Variants in HYI observed in about 807,000 individuals in gnomAD.
HYI encodes hydroxypyruvate isomerase (putative).
In HYI, 47 loss-of-function variants were observed where a neutral mutation model predicts 39.7. That is an observed-to-expected ratio of 1.18 (90% confidence interval 0.94 to 1.51). The LOEUF is 1.51. Among genes scored for constraint, HYI ranks in the 40% most tolerant of loss-of-function variants. HYI has a pLI of 0.00. For missense variants in HYI, 465 were observed against 370.3 expected, an observed-to-expected ratio of 1.26 and a Z score of -2.10; for synonymous variants, 186 against 158.8, an observed-to-expected ratio of 1.17 and a Z score of -1.29.
At position 43,451,195 on chromosome 1, in the gene HYI, A is replaced by C; in HGVS notation, c.*43T>G. 2 of 1,551,394 alleles carry C rather than the reference A, an allele frequency of 1.3e-6. No individual in the cohort carries two copies. The highest frequency in any genetic ancestry group is 1.8e-6 in the Non-Finnish European group (2 of 1,122,988). ...TCTTTAATGCAGAGGAGGAGATGGGATGTCACTCGCTGTCTGGAGGCACGT... is the reference window on the plus strand; with the variant it reads ...TCTTTAATGCAGAGGAGGAGATGGGCTGTCACTCGCTGTCTGGAGGCACGT... On this transcript the variant is annotated 3_prime_UTR_variant, in exon 8 of 8. Transcript: ENST00000372430.
chr1:43,450,896 T>C (rs1439428293), downstream of HYI: 1 of 737,372 alleles, frequency 1.4e-6, no homozygotes, highest in South Asian at 1.4e-5. This position sits in a 1 kb window ranked among gnomAD's most constrained non-coding sequence, Gnocchi z 4.3. Flanking sequence ...CACTTCCCAC[T>C]TGGACATCAC....
chr1:43,453,675 G>T lies in HYI; in HGVS notation c.119C>A (p.Pro40Gln), dbSNP rs1656714055. ...CAGCGCCTCAGGCGTCTCCGCGTAC[G>T]GCCAGGCCACCTCGACGGCCTCGAA... is the stretch of plus-strand genomic sequence containing the variant. Reference protein sequence around the residue: ...SGFEAVEVAWPYAETPEALAR... With the variant: ...SGFEAVEVAWQYAETPEALAR... Residue 40 changes from proline to glutamine, a missense_variant, in exon 1 of 8, where the codon CCG becomes CAG. Transcript: ENST00000372430. The T allele has an allele frequency of 6.8e-7, 1 of 1,470,758 alleles. No individual in the cohort carries two copies. 91.1% of individuals were successfully genotyped at this position (1,470,758 alleles called of 1,614,324 possible). A position where few individuals can be genotyped will look rare whatever the true frequency, so the allele number is the denominator to read the frequency against.
In HYI at chr1:43,451,260, C is replaced by T; in HGVS notation, c.812G>A (p.Gly271Asp). The T allele has an allele frequency of 1.9e-6, 3 of 1,614,032 alleles. No individual in the cohort carries two copies. The highest frequency in any genetic ancestry group is 2.5e-6 in the Non-Finnish European group (3 of 1,180,022). Reference protein sequence around the residue: ...SWLRSYWDRRGHPEAGQ With the variant: ...SWLRSYWDRRDHPEAGQ ...CCCTCACTGGCCAGCCTCTGGGTGG[C>T]CCCGCCTATCCCAGTATGAACGTAG... is the stretch of plus-strand genomic sequence containing the variant. Residue 271 changes from glycine to aspartate, a missense_variant, in exon 8 of 8, where the codon GGC (glycine) becomes GAC (aspartate). Transcript: ENST00000372430.
intron 1 of HYI, 28 bp from the exon 2 acceptor site, chr1:43,453,525 G>C (rs540754729): frequency 1.9e-5 from 29 of 1,533,232 alleles, no homozygotes; most frequent in Admixed American, 1.2e-4. Flanking sequence ...CTCAGCCCCC[G>C]GCTCGGACAC....
rs1478128058 is a variant in HYI, at chr1:43,453,636, C to G, written c.158G>C (p.Arg53Pro). The change falls in exon 1 of 8, where the codon CGA becomes CCA. Residue 53 changes from arginine to proline, a missense_variant. Physicochemically the swap from Arg to Pro is moderately radical, Grantham distance 103. Coordinates refer to ENST00000372430, the MANE Select transcript of HYI (RefSeq NM_001190880.3). ...CAGTACAAGCCGCAGCCCCGCTTCT[C>G]GCGCGGCGCGCGCCAGCGCCTCAGG... ...ETPEALARAAREAGLRLVLIN... is the reference protein window; with the variant it reads ...ETPEALARAAPEAGLRLVLIN... The G allele has an allele frequency of 8.0e-6, 12 of 1,491,626 alleles. No homozygotes were observed. The South Asian group carries it at 1.1e-4, about 14-fold the overall frequency. The allele number at this position is 1,491,626 out of a possible 1,614,324, so 92.4% of individuals were successfully genotyped here.
At chr1:43,453,240 G>T in intron 2 of HYI, 146 bp downstream of exon 2, 1 of 647,000 alleles carries the variant, frequency 1.5e-6, no homozygotes, top group Non-Finnish European at 2.7e-6. Flanking sequence ...AATACAAAAG[G>T]CAATTTACAA....
downstream of HYI, chr1:43,450,661 C>T (rs1479545397): frequency 2.1e-6 from 2 of 952,718 alleles, no homozygotes; most frequent in Non-Finnish European, 3.1e-6. The surrounding 1 kb of genome is among the most constrained non-coding windows in gnomAD (Gnocchi z 4.3). Flanking sequence ...GCAGGAACCG[C>T]CCTCCCCAAA....
Position 43,451,401 on chromosome 1 carries a change from A to G in HYI, c.760+9T>C, listed in dbSNP as rs796739193. 2 of 1,612,346 alleles carry G rather than the reference A, an allele frequency of 1.2e-6. No homozygotes were observed. Among genetic ancestry groups the G allele is most frequent in the African/African-American group, 1.3e-5 (1 of 75,054 alleles). Reference sequence around the variant, plus strand: ...CTCCAGAGCTCCCTTCCCCAGGGCCACGCCTCACCTCGAGGCTGATACTCA... The same window carrying G: ...CTCCAGAGCTCCCTTCCCCAGGGCCGCGCCTCACCTCGAGGCTGATACTCA... On this transcript the variant is annotated intron_variant, in intron 7 of 7. Coordinates refer to ENST00000372430, the MANE Select transcript of HYI (RefSeq NM_001190880.3).
intron 2 of HYI, 140 bp from the exon 3 acceptor site, chr1:43,452,459 C>G: frequency 1.4e-6 from 1 of 733,056 alleles, no homozygotes; most frequent in South Asian, 1.5e-5. Flanking sequence ...CCAGGTATCC[C>G]AGCACTTTCA....
chr1:43,451,248 G>T lies in HYI; in HGVS notation c.824C>A (p.Ala275Asp). ...SYWDRRGHPE[A>D]GQ is the part of the protein sequence containing the mutation. ...GTGGTGTGCGGGCCCTCACTGGCCA[G>T]CCTCTGGGTGGCCCCGCCTATCCCA... The change falls in exon 8 of 8, where the codon GCT becomes GAT. Residue 275 changes from alanine to aspartate, a missense_variant. Ala to Asp is a moderately radical substitution (Grantham distance 126). Coordinates refer to ENST00000372430, the MANE Select transcript of HYI (RefSeq NM_001190880.3). 1.2e-6 allele frequency: 2 copies of T among 1,613,966 alleles called. No individual in the cohort carries two copies. The highest frequency in any genetic ancestry group is 2.7e-5 in the African/African-American group (2 of 75,070).
At chr1:43,451,621 T>TG in intron 6 of HYI, 27 bp downstream of exon 6, 1 of 1,613,482 alleles carries the variant, frequency 6.2e-7, no homozygotes, top group Non-Finnish European at 8.5e-7. Context: ...ATTGAAAGGG[T>TG]GGGAGGGCAA....
chr1:43,450,758 G>GC (rs1656296266), downstream of HYI: 10 of 697,452 alleles, frequency 1.4e-5, no homozygotes, highest in East Asian at 2.4e-4. The surrounding 1 kb of genome is among the most constrained non-coding windows in gnomAD (Gnocchi z 4.3). Context: ...ACTCCTTTCG[G>GC]CCCCCCTGGT....
chr1:43,451,234 G>T lies in HYI; in HGVS notation c.*4C>A. 4 of 1,613,782 alleles carry T rather than the reference G, an allele frequency of 2.5e-6. No individual in the cohort carries two copies. The highest frequency in any genetic ancestry group is 3.4e-6 in the Non-Finnish European group (4 of 1,179,868). On this transcript the variant is annotated 3_prime_UTR_variant, in exon 8 of 8. Transcript: ENST00000372430. ...CTGGAGGCACGTGGGTGGTGTGCGG[G>T]CCCTCACTGGCCAGCCTCTGGGTGG...
intron 2 of HYI, 143 bp downstream of exon 2, chr1:43,453,243 A>G: frequency 4.6e-6 from 3 of 652,316 alleles, no homozygotes; most frequent in South Asian, 1.9e-5. Context: ...ACAAAAGGCA[A>G]TTTACAAAGG....
At position 43,453,861 on chromosome 1, in the gene HYI, C is replaced by CGGGCGGG. The variant is rs1553158735; in HGVS notation, c.-75_-69dup. 1.3e-6 allele frequency: 1 copy of CGGGCGGG among 757,902 alleles called. No homozygotes were observed. Among genetic ancestry groups the CGGGCGGG allele is most frequent in the East Asian group, 4.3e-5 (1 of 23,494 alleles). The allele number at this position is 757,902 out of a possible 1,614,324, so 46.9% of individuals were successfully genotyped here. A position where few individuals can be genotyped will look rare whatever the true frequency, so the allele number is the denominator to read the frequency against. On this transcript the variant is annotated 5_prime_UTR_variant, in exon 1 of 8. Transcript: ENST00000372430. The stretch of plus-strand genomic sequence containing the variant: ...GCGGCGGGCGGCGGGCGGCGGGCGG[C>CGGGCGGG]GGGCGGGGGCGGGGCTCTCCTTGCT...
rs751027868 is a variant in HYI at position 43,453,784 on chromosome 1, G to A, written c.10C>T (p.Leu4=). 2.7e-5 allele frequency: 35 copies of A among 1,283,808 alleles called. No individual in the cohort carries two copies. Among genetic ancestry groups the A allele is most frequent in the Non-Finnish European group, 3.2e-5 (33 of 1,018,698 alleles). 79.5% of individuals were successfully genotyped at this position (1,283,808 alleles called of 1,614,324 possible). Residue 4 remains leucine, a synonymous_variant, in exon 1 of 8, where the codon CTG becomes TTG. Coordinates refer to ENST00000372430, the MANE Select transcript of HYI (RefSeq NM_001190880.3). ...CAGGACAGATTGGCGGAGAAGCGCA[G>A]CGGCGCCATGCCTGGGGAGGCCGGG... MAP[L]RFSANLSWLF...
At chr1:43,453,536 TC>T (rs1656685058) in intron 1 of HYI, 39 bp from the exon 2 acceptor site, 2 of 1,521,836 alleles carry the variant, frequency 1.3e-6, no homozygotes, top group Admixed American at 4.1e-5. Flanking sequence ...GCTCGGACAC[TC>T]CCCTGCCCGC....
intron 2 of HYI, 93 bp from the exon 3 acceptor site, chr1:43,452,412 C>T: frequency 1.0e-6 from 1 of 994,304 alleles, no homozygotes; most frequent in Non-Finnish European, 1.6e-6. Flanking sequence ...CGTCCGTCTC[C>T]CCAGGTCTCC....
rs1311944640 is a variant in HYI at position 43,453,649 on chromosome 1, C to G, written c.145G>C (p.Ala49Pro). Residue 49 changes from alanine to proline, a missense_variant, in exon 1 of 8, where the codon GCG (alanine) becomes CCG (proline). Ala to Pro is a conservative substitution (Grantham distance 27). Transcript: ENST00000372430. ...AGCCCCGCTTCTCGCGCGGCGCGCG[C>G]CAGCGCCTCAGGCGTCTCCGCGTAC... ...WPYAETPEAL[A>P]RAAREAGLRL... 2 of 1,491,130 alleles carry G rather than the reference C, an allele frequency of 1.3e-6. No homozygotes were observed. Among genetic ancestry groups the G allele is most frequent in the Non-Finnish European group, 1.8e-6 (2 of 1,127,876 alleles). The allele number at this position is 1,491,130 out of a possible 1,614,324, so 92.4% of individuals were successfully genotyped here.
Sources: allele counts gnomAD v4.1 joint callset, GRCh38; gene constraint gnomAD v4.1.1; non-coding constraint Gnocchi (gnomAD v3.1); transcripts MANE v1.5; gene names NCBI Gene and HGNC (gene_info 2026-07-23, HGNC 2026-07-21).